The following RAD51B variants were observed in gnomAD, a reference collection of about 807,000 sequenced individuals.
RAD51B encodes the protein RAD51 paralog B.
In RAD51B, 38 loss-of-function variants were observed where a neutral mutation model predicts 42.2. That is an observed-to-expected ratio of 0.90 (90% CI 0.70 to 1.18). The LOEUF (loss-of-function observed/expected upper bound fraction) is 1.18, where lower values mean the gene tolerates loss of function less well. Ranked by LOEUF, RAD51B falls within the 50% of genes most tolerant of loss-of-function variation. The probability of loss-of-function intolerance (pLI) is 0.00; values close to 1 mark genes in which losing one functional copy is unlikely to be tolerated. For missense variants in RAD51B, 373 were observed against 400.7 expected, an observed-to-expected ratio of 0.93 and a Z score of 0.59; for synonymous variants, 154 against 145.2, an observed-to-expected ratio of 1.06 and a Z score of -0.43.
intron 10 of RAD51B, among the ~76,000 whole-genome samples, chr14:68,606,022 G>A (rs997573324): frequency 1.3e-5 from 2 of 152,180 alleles, no homozygotes; most frequent in East Asian, 1.9e-4. Context: ...CGTCCCCAGC[G>A]GAAGCTGCAC....
At chr14:68,296,197 T>G (rs969857740) in intron 8 of RAD51B, among the ~76,000 whole-genome samples, 3 of 152,222 alleles carry the variant, frequency 2.0e-5, no homozygotes, top group African/African-American at 7.2e-5. Context: ...CTTATGATCT[T>G]AACTGTTAGA....
chr14:68,127,424 G>C (rs2077786726), intron 7 of RAD51B, among the ~76,000 whole-genome samples: 3 of 152,130 alleles, frequency 2.0e-5, no homozygotes. Flanking sequence ...TCCTCCATCT[G>C]TATTAACCCA....
intron 7 of RAD51B, among the ~76,000 whole-genome samples, chr14:67,981,511 A>G (rs1343070637): frequency 1.3e-5 from 2 of 152,252 alleles, no homozygotes; most frequent in African/African-American, 4.8e-5. Flanking sequence ...TTGTACATAA[A>G]TGTCATAGCA....
At chr14:68,113,825 G>C (rs1456273296) in intron 7 of RAD51B, 3 of 152,012 alleles carry the variant, frequency 2.0e-5, no homozygotes, top group African/African-American at 7.3e-5. Context: ...ACATTTGAAG[G>C]CTTCCTCACA....
intron 9 of RAD51B, among the ~76,000 whole-genome samples, chr14:68,446,071 G>A (rs1311248788): frequency 3.3e-5 from 5 of 152,174 alleles, no homozygotes; most frequent in Non-Finnish European, 7.3e-5. Context: ...TTCTATAATA[G>A]CCGCTCCAGG....
intron 7 of RAD51B, among the ~76,000 whole-genome samples, chr14:68,242,000 C>G (rs908058563): frequency 6.6e-6 from 1 of 152,206 alleles, no homozygotes; most frequent in Non-Finnish European, 1.5e-5. Context: ...GCTGCCAGAT[C>G]AGTTTGTCTC....
chr14:68,170,666 T>C (rs975541696), intron 7 of RAD51B, among the ~76,000 whole-genome samples: 1 of 152,220 alleles, frequency 6.6e-6, no homozygotes, highest in Non-Finnish European at 1.5e-5. Context: ...ATTTTTTACT[T>C]ATTTTATCAT....
At chr14:68,496,241 A>G (rs1884505217) in intron 10 of RAD51B, among the ~76,000 whole-genome samples, 2 of 152,184 alleles carry the variant, frequency 1.3e-5, no homozygotes, top group Non-Finnish European at 2.9e-5. Flanking sequence ...TTGTTCCTAT[A>G]AAAAGGAAAA....
chr14:68,356,709 C>T (rs1472723722), intron 8 of RAD51B, among the ~76,000 whole-genome samples: 7 of 152,062 alleles, frequency 4.6e-5, no homozygotes, highest in African/African-American at 1.2e-4. Context: ...AGGCCGGGCG[C>T]GGTGGCTCAC....
At chr14:68,093,161 CTT>C (rs1410051465) in intron 7 of RAD51B, among the ~76,000 whole-genome samples, 1 of 150,848 alleles carries the variant, frequency 6.6e-6, no homozygotes, top group East Asian at 1.9e-4. Context: ...CTAAAATTCT[CTT>C]TTTTTGTTGT....
At chr14:68,379,181 C>T (rs1393933493) in intron 8 of RAD51B, among the ~76,000 whole-genome samples, 1 of 152,174 alleles carries the variant, frequency 6.6e-6, no homozygotes, top group Non-Finnish European at 1.5e-5. Flanking sequence ...GCTAGCTACT[C>T]TCACCCAGTC....
At chr14:67,911,962 A>G (rs1310611154) in intron 7 of RAD51B, among the ~76,000 whole-genome samples, 1 of 152,258 alleles carries the variant, frequency 6.6e-6, no homozygotes, top group Non-Finnish European at 1.5e-5. Context: ...AAAGAATGTC[A>G]TCCCCCTGCT....
chr14:68,162,774 G>A (rs1317295696), intron 7 of RAD51B, among the ~76,000 whole-genome samples: 1 of 152,228 alleles, frequency 6.6e-6, no homozygotes, highest in East Asian at 1.9e-4. Flanking sequence ...GACAGAGCGA[G>A]AATCCGTCTC....
chr14:68,235,843 G>A (rs1745591683), intron 7 of RAD51B, among the ~76,000 whole-genome samples: 1 of 151,814 alleles, frequency 6.6e-6, no homozygotes, highest in Admixed American at 6.6e-5. Flanking sequence ...AAGAAAATGT[G>A]GTATATATAC....
intron 7 of RAD51B, among the ~76,000 whole-genome samples, chr14:68,031,464 G>T (rs2076040342): frequency 6.6e-6 from 1 of 152,078 alleles, no homozygotes; most frequent in Non-Finnish European, 1.5e-5. Flanking sequence ...ATAAAACAAT[G>T]AAAAATTTGA....
chr14:68,047,101 A>G (rs1291730350), intron 7 of RAD51B, among the ~76,000 whole-genome samples: 2 of 152,028 alleles, frequency 1.3e-5, no homozygotes, highest in Non-Finnish European at 2.9e-5. Flanking sequence ...AGCTGCATAA[A>G]TAAGGTTTCT....
chr14:67,964,800 C>T (rs755734220), intron 7 of RAD51B, among the ~76,000 whole-genome samples: 3 of 152,056 alleles, frequency 2.0e-5, no homozygotes, highest in Non-Finnish European at 4.4e-5. Flanking sequence ...GACGGTCTAC[C>T]GCAGGTTGCT....
At chr14:68,049,433 G>A (rs138909544) in intron 7 of RAD51B, among the ~76,000 whole-genome samples, 9 of 152,176 alleles carry the variant, frequency 5.9e-5, no homozygotes, top group Middle Eastern at 6.8e-3. Context: ...TTAGCTGTTC[G>A]AGACCCTGGG....
At chr14:68,284,964 C>G (rs1291567889) in intron 7 of RAD51B, among the ~76,000 whole-genome samples, 1 of 152,174 alleles carries the variant, frequency 6.6e-6, no homozygotes, top group Non-Finnish European at 1.5e-5. Flanking sequence ...TGGACCTACC[C>G]TGTTCTCACT....
Sources: gnomAD v4.1 joint callset for allele counts (sites outside exome capture counted in the v4.1 genomes callset) on GRCh38, gnomAD v4.1.1 for gene constraint, MANE v1.5 for transcripts, NCBI Gene and HGNC (gene_info 2026-07-23, HGNC 2026-07-21) for gene names.